The following GLB1L variants were observed in gnomAD, a reference collection of about 807,000 sequenced individuals.
GLB1L encodes galactosidase beta 1 like, also known as beta-galactosidase-1-like protein.
GLB1L carries 58 observed loss-of-function variants against 75.7 expected under a neutral mutation model. That is an observed-to-expected ratio of 0.77 (90% CI 0.62 to 0.95). The LOEUF is 0.95. Among genes scored for constraint, GLB1L ranks in the 40% least tolerant of loss-of-function variants. The pLI is 0.00. For synonymous variants in GLB1L, 296 were observed against 303.0 expected (o/e 0.98, Z 0.24); for missense variants, 797 against 805.5 (o/e 0.99, Z 0.13).
intron 10 of GLB1L, 57 bp from the exon 11 acceptor site, chr2:219,239,267 A>G (rs1465789440): frequency 1.3e-6 from 2 of 1,512,564 alleles, no homozygotes; most frequent in Admixed American, 1.8e-5. Flanking sequence ...AGGCACTACT[A>G]AGCATGCTTC....
Position 219,239,825 on chromosome 2 carries a change from T to C in GLB1L, c.730A>G (p.Met244Val), listed in dbSNP as rs568426012. The C allele has an allele frequency of 1.2e-6, 2 of 1,614,182 alleles. No individual in the cohort carries two copies. Among genetic ancestry groups the C allele is most frequent in the Non-Finnish European group, 1.7e-6 (2 of 1,180,038 alleles). The change falls in exon 8 of 17, where the codon ATG (methionine) becomes GTG (valine). Residue 244 changes from methionine (M) to valine (V), a missense_variant. Met to Val is a conservative substitution (Grantham distance 21). Coordinates refer to ENST00000295759, the MANE Select transcript of GLB1L (RefSeq NM_001286423.2). ...TTVDFGPADNMTKIFTLLRKY... is the reference protein window; with the variant it reads ...TTVDFGPADNVTKIFTLLRKY... ...CGAAGCAGGGTAAAGATTTTGGTCA[T>C]GTTGTCAGCTGCGGAAAGGAGGCAA...
rs764386870 is a variant in GLB1L, at chr2:219,238,315, C to G, written c.1276G>C (p.Glu426Gln). ...YRTYMTHTIF[E>Q]PTPFWVPNNG... ...TTTGGCACCCAGAATGGTGTTGGCT[C>G]AAAAATGGTATGGGTCATATAGGTT... Residue 426 changes from glutamate to glutamine, a missense_variant, in exon 14 of 17, where the codon GAG (glutamate) becomes CAG (glutamine). Glu to Gln is a conservative substitution (Grantham distance 29). Transcript: ENST00000295759. The G allele has an allele frequency of 1.8e-5, 29 of 1,612,632 alleles. No homozygotes were observed. The highest frequency in any genetic ancestry group is 2.4e-5 in the Non-Finnish European group (28 of 1,179,280).
rs1156460315 is a variant in GLB1L, at chr2:219,241,440, G to GTATA, written c.451+1073_451+1074insTATA. Among the ~76,000 whole-genome samples, 251 of 85,500 alleles carry GTATA rather than the reference G, an allele frequency of 2.9e-3. 1 individual carries two copies. Among genetic ancestry groups the GTATA allele is most frequent in the South Asian group, 8.1e-3 (18 of 2,210 alleles). The allele number at this position is 85,500 out of a possible 152,430, so 56.1% of individuals were successfully genotyped here. ...TGTGTGTGTGTGTGTGTGTGTGTGT[G>GTATA]TGTATATATATATATATATATATAT... On this transcript the variant is annotated intron_variant, in intron 5 of 16. Coordinates refer to ENST00000295759, the MANE Select transcript of GLB1L (RefSeq NM_001286423.2).
intron 11 of GLB1L, 47 bp downstream of exon 11, chr2:219,239,042 TTCC>T: frequency 7.7e-7 from 1 of 1,299,096 alleles, no homozygotes; most frequent in Non-Finnish European, 1.1e-6. Flanking sequence ...GGGCACTCCC[TTCC>T]TCCAAATTAA....
At position 219,236,760 on chromosome 2, in the gene GLB1L, CTTTTTTTTTTT is replaced by C. The variant is rs5838728; in HGVS notation, c.*301_*311del. The C allele has an allele frequency of 5.6e-5, 7 of 125,746 alleles. No individual in the cohort carries two copies. Among genetic ancestry groups the C allele is most frequent in the Admixed American group, 2.0e-4 (2 of 9,974 alleles). The allele number at this position is 125,746 out of a possible 1,614,324, so 7.8% of individuals were successfully genotyped here. A position where few individuals can be genotyped will look rare whatever the true frequency, so the allele number is the denominator to read the frequency against. On this transcript the variant is annotated 3_prime_UTR_variant, in exon 17 of 17. Coordinates refer to ENST00000295759, the MANE Select transcript of GLB1L (RefSeq NM_001286423.2). ...CTCCATGTCCCAGGTCCAAGGGTTACTTTTTTTTTTTTTTTTTTTTTTGAGATGGAGTGTCT... is the reference window on the plus strand; with the variant it reads ...CTCCATGTCCCAGGTCCAAGGGTTACTTTTTTTTTTTGAGATGGAGTGTCT...
rs184639473 is a variant in GLB1L at position 219,243,964 on chromosome 2, G to T, written c.-70-321C>A. The T allele has an allele frequency of 3.7e-3, 560 of 149,466 alleles. 6 individuals are homozygous for T. The South Asian group carries it at 0.043, about 11-fold the overall frequency. 9.3% of individuals were successfully genotyped at this position (149,466 alleles called of 1,614,324 possible). ...TCTACTAAAAATACAAAAATTAGCC[G>T]GGCCTGGTGGCACGCGCCTGTATTC... is the stretch of plus-strand genomic sequence containing the variant. On this transcript the variant is annotated intron_variant, in intron 1 of 16. Transcript: ENST00000295759.
In GLB1L at chr2:219,240,276, G is replaced by A. The variant is rs755434988; in HGVS notation, c.461C>T (p.Ala154Val). Residue 154 changes from alanine to valine, a missense_variant, in exon 6 of 17, where the codon GCC becomes GTC. Physicochemically the swap from Ala to Val is moderately conservative, Grantham distance 64 (BLOSUM62 0). Transcript: ENST00000295759. ...GACCTTGAACCAGGAGTCCACTGCG[G>A]CAAGGAAGTCTAAAGGAAGGAGCAG... ...HLRTSDPDFL[A>V]AVDSWFKVLL... The A allele has an allele frequency of 6.2e-7, 1 of 1,613,918 alleles. No homozygotes were observed. The highest frequency in any genetic ancestry group is 1.7e-5 in the Admixed American group (1 of 60,032).
Position 219,238,503 on chromosome 2 carries a change from C to G in GLB1L, c.1219G>C (p.Val407Leu). Residue 407 changes from valine to leucine, a missense_variant, in exon 13 of 17, where the codon GTC becomes CTC. Coordinates refer to ENST00000295759, the MANE Select transcript of GLB1L (RefSeq NM_001286423.2). ...HSILPMTFEA[V>L]KQDHGFMLYR... is the part of the protein sequence containing the mutation. ...GTGGGTTTATGCCTTACCTGCTTGA[C>G]AGCCTCAAAGGTCATTGGCAAGATT... 1.2e-6 allele frequency: 2 copies of G among 1,613,932 alleles called. No individual in the cohort carries two copies. The highest frequency in any genetic ancestry group is 2.2e-5 in the South Asian group (2 of 91,052).
rs566204911 is a variant in GLB1L at position 219,239,182 on chromosome 2, C to T, written c.972G>A (p.Pro324=). The change falls in exon 11 of 17, where the codon CCG becomes CCA. Residue 324 remains proline (P), a synonymous_variant. Transcript: ENST00000295759. ...NGADKKGRFL[P]ITTSYDYDAP... ...CATCATAGTCATAGCTGGTAGTAAT[C>T]GGAAGGAAGCGTCCCTTCTTATCGG... 5.2e-5 allele frequency: 84 copies of T among 1,613,684 alleles called. No homozygotes were observed. In the South Asian group the frequency reaches 8.0e-4, roughly 15 times the overall value.
Position 219,236,759 on chromosome 2 carries a change from A to AATT in GLB1L, c.*312_*313insAAT. On this transcript the variant is annotated 3_prime_UTR_variant, in exon 17 of 17. Transcript: ENST00000295759. ...ACTCCATGTCCCAGGTCCAAGGGTT[A>AATT]CTTTTTTTTTTTTTTTTTTTTTTGA... 4.2e-5 allele frequency: 10 copies of AATT among 238,498 alleles called. No individual in the cohort carries two copies. Among genetic ancestry groups the AATT allele is most frequent in the South Asian group, 8.1e-5 (1 of 12,280 alleles). 14.8% of individuals were successfully genotyped at this position (238,498 alleles called of 1,614,324 possible). A position where few individuals can be genotyped will look rare whatever the true frequency, so the allele number is the denominator to read the frequency against.
rs146996880 is a variant in GLB1L, at chr2:219,239,921, T to G, written c.720A>C (p.Pro240=). 5.2e-4 allele frequency: 845 copies of G among 1,614,166 alleles called. 3 individuals are homozygous for G. The highest frequency in any genetic ancestry group is 5.0e-4 in the Non-Finnish European group (591 of 1,180,044). Residue 240 remains proline (P), a splice_region_variant and synonymous_variant, in exon 7 of 17, where the codon CCA becomes CCC. Coordinates refer to ENST00000295759, the MANE Select transcript of GLB1L (RefSeq NM_001286423.2). ...CCACTCCCAGCCCTTGCTTGAGACC[T>G]GGGCCAAAATCTACAGTGGTATAGA... is the stretch of plus-strand genomic sequence containing the variant. ...RGLYTTVDFG[P]ADNMTKIFTL...
intron 15 of GLB1L, 45 bp from the exon 16 acceptor site, chr2:219,237,772 A>G (rs768749702): frequency 1.7e-5 from 28 of 1,613,010 alleles, no homozygotes; most frequent in Non-Finnish European, 2.2e-5. Context: ...TAAGCTTTGA[A>G]GCTAAGTTAT....
rs1951335196 is a variant in GLB1L, at chr2:219,239,596, T to C, written c.867A>G (p.Leu289=). Residue 289 remains leucine (L), a synonymous_variant, in exon 9 of 17, where the codon CTA becomes CTG. Coordinates refer to ENST00000295759, the MANE Select transcript of GLB1L (RefSeq NM_001286423.2). ...TGGCTCCCAACTTGAGCATGTTCTC[T>C]AGTCCTTTGGTTACAGCTGACACAG... ...TRSVSAVTKG[L]ENMLKLGASV... 2 of 1,614,212 alleles carry C rather than the reference T, an allele frequency of 1.2e-6. No homozygotes were observed. The highest frequency in any genetic ancestry group is 2.2e-5 in the East Asian group (1 of 44,890).
At chr2:219,242,038 A>G (rs1559267037) in intron 5 of GLB1L, among the ~76,000 whole-genome samples, 1 of 152,094 alleles carries the variant, frequency 6.6e-6, no homozygotes, top group Admixed American at 6.6e-5. Flanking sequence ...CCCAGGCTGG[A>G]GTGTAGTTGT....
chr2:219,240,609 T>C (rs1467636620), intron 5 of GLB1L, among the ~76,000 whole-genome samples: 2 of 152,102 alleles, frequency 1.3e-5, no homozygotes, highest in Non-Finnish European at 2.9e-5. Context: ...CTGGGCATGG[T>C]GGCGGGTGCC....
chr2:219,238,196 G>A (rs1023305565), intron 14 of GLB1L, 54 bp downstream of exon 14: 37 of 1,308,560 alleles, frequency 2.8e-5, no homozygotes, highest in Non-Finnish European at 3.7e-5. Context: ...TAAGGCTAAC[G>A]CTTCCTGGGG....
intron 5 of GLB1L, among the ~76,000 whole-genome samples, chr2:219,240,955 G>A (rs2125056369): frequency 6.6e-6 from 1 of 152,098 alleles, no homozygotes; most frequent in South Asian, 2.1e-4. Flanking sequence ...AAGGTGGTAG[G>A]TGCCTGCAAT....
intron 9 of GLB1L, 22 bp from the exon 10 acceptor site, chr2:219,239,473 G>A (rs1951333074): frequency 6.2e-7 from 1 of 1,610,372 alleles, no homozygotes; most frequent in Admixed American, 1.7e-5. Flanking sequence ...GAGGGTGGGG[G>A]AACAGGTAAA....
chr2:219,239,302 G>A, intron 10 of GLB1L, 92 bp from the exon 11 acceptor site: 1 of 1,452,580 alleles, frequency 6.9e-7, no homozygotes, highest in East Asian at 2.3e-5. Context: ...GCCATCAGAG[G>A]GGGCAGAGGT....
Sources: allele counts gnomAD v4.1 joint callset (sites outside exome capture counted in the v4.1 genomes callset), GRCh38; gene constraint gnomAD v4.1.1; transcripts MANE v1.5; gene names NCBI Gene and HGNC (gene_info 2026-07-23, HGNC 2026-07-21).